Variants in HDGFL3 observed in about 807,000 individuals in gnomAD.
HDGFL3 encodes the protein HDGF like 3, also known as hepatoma-derived growth factor-related protein 3.
Under a neutral mutation model 27.6 loss-of-function variants are expected in HDGFL3, and 6 were observed. The observed-to-expected ratio is 0.22, with a 90% CI of 0.12 to 0.43. The LOEUF (loss-of-function observed/expected upper bound fraction) is 0.43, where lower values mean the gene tolerates loss of function less well. Among genes scored for constraint, HDGFL3 ranks in the 20% least tolerant of loss-of-function variants. The pLI is 1.00. For synonymous variants in HDGFL3, 88 were observed against 88.9 expected (o/e 0.99, Z 0.05); for missense variants, 207 against 250.1 (o/e 0.83, Z 1.16).
intron 1 of HDGFL3, among the ~76,000 whole-genome samples, chr15:83,180,643 ATTTTTTT>A (rs34952033): frequency 7.9e-6 from 1 of 126,374 alleles, no homozygotes; most frequent in Non-Finnish European, 1.6e-5. Context: ...TAACTTATCA[ATTTTTTT>A]TTTTTTTTTT....
chr15:83,199,445 C>T (rs2037611891), intron 1 of HDGFL3, among the ~76,000 whole-genome samples: 1 of 152,154 alleles, frequency 6.6e-6, no homozygotes, highest in Admixed American at 6.5e-5. Flanking sequence ...ACTACTGAAA[C>T]TATCACTTAA....
intron 1 of HDGFL3, among the ~76,000 whole-genome samples, chr15:83,182,574 T>TA (rs2037394017): frequency 6.6e-6 from 1 of 152,188 alleles, no homozygotes; most frequent in African/African-American, 2.4e-5. Flanking sequence ...TGATTCCACT[T>TA]ATATTAAGTT....
intron 4 of HDGFL3, among the ~76,000 whole-genome samples, chr15:83,156,955 C>A (rs1241909474): frequency 6.6e-6 from 1 of 152,110 alleles, no homozygotes; most frequent in Non-Finnish European, 1.5e-5. Context: ...CCTCAGCCTC[C>A]CAAACTGCTG....
At chr15:83,190,911 A>AT (rs2037503729) in intron 1 of HDGFL3, among the ~76,000 whole-genome samples, 1 of 152,160 alleles carries the variant, frequency 6.6e-6, no homozygotes, top group South Asian at 2.1e-4. Context: ...TGTAGAAACG[A>AT]TTTTTGTACA....
chr15:83,197,109 A>G (rs1408015073), intron 1 of HDGFL3, among the ~76,000 whole-genome samples: 1 of 152,226 alleles, frequency 6.6e-6, no homozygotes, highest in East Asian at 1.9e-4. Flanking sequence ...CAAAACGAAG[A>G]ATGGAGACCA....
At position 83,133,662 on chromosome 15, in the gene HDGFL3, G is replaced by A. The variant is rs1190947687; in HGVS notation, c.*5608C>T. The A allele has an allele frequency of 6.6e-6, 1 of 152,210 alleles. No homozygotes were observed. The highest frequency in any genetic ancestry group is 2.4e-5 in the African/African-American group (1 of 41,454). The allele number at this position is 152,210 out of a possible 1,614,324, so 9.4% of individuals were successfully genotyped here. A position where few individuals can be genotyped will look rare whatever the true frequency, so the allele number is the denominator to read the frequency against. On this transcript the variant is annotated 3_prime_UTR_variant, in exon 6 of 6. Coordinates refer to ENST00000299633, the MANE Select transcript of HDGFL3 (RefSeq NM_016073.4). ...TTAATTCAGCAGCATTGAGTTCACTGAGCCACCTGACCCCAGCACAGGCTC... is the reference window on the plus strand; with the variant it reads ...TTAATTCAGCAGCATTGAGTTCACTAAGCCACCTGACCCCAGCACAGGCTC...
intron 4 of HDGFL3, among the ~76,000 whole-genome samples, chr15:83,154,229 G>C (rs1056271888): frequency 6.6e-6 from 1 of 151,966 alleles, no homozygotes; most frequent in Non-Finnish European, 1.5e-5. Flanking sequence ...CCAGCTACTG[G>C]GGAGGCTGAG....
chr15:83,136,045 A>T lies in HDGFL3; in HGVS notation c.*3225T>A, dbSNP rs1274569148. 1 of 153,582 alleles carries T rather than the reference A, an allele frequency of 6.5e-6. No homozygotes were observed. Among genetic ancestry groups the T allele is most frequent in the Non-Finnish European group, 1.4e-5 (1 of 69,038 alleles). 9.5% of individuals were successfully genotyped at this position (153,582 alleles called of 1,614,324 possible). A position where few individuals can be genotyped will look rare whatever the true frequency, so the allele number is the denominator to read the frequency against. On this transcript the variant is annotated 3_prime_UTR_variant, in exon 6 of 6. Transcript: ENST00000299633. ...TTTATGCTAAAAATATTTGTTTTTT[A>T]AAACTCTGCGCTTTCTTCATTTTTA...
At chr15:83,152,298 G>C (rs1455013554) in intron 4 of HDGFL3, among the ~76,000 whole-genome samples, 2 of 152,182 alleles carry the variant, frequency 1.3e-5, no homozygotes, top group Non-Finnish European at 2.9e-5. Flanking sequence ...GCTCACGCCT[G>C]TAATCCCAGC....
intron 1 of HDGFL3, among the ~76,000 whole-genome samples, chr15:83,200,223 G>A (rs1285147583): frequency 6.6e-6 from 1 of 151,496 alleles, no homozygotes; most frequent in Admixed American, 6.6e-5. Flanking sequence ...GTGGGCACCT[G>A]TAGTCCTAGC....
chr15:83,140,486 T>TTG (rs2036747097), intron 5 of HDGFL3, among the ~76,000 whole-genome samples: 1 of 149,158 alleles, frequency 6.7e-6, no homozygotes, highest in Non-Finnish European at 1.5e-5. Context: ...AGAAAGTTTT[T>TTG]TTTTTTTTTT....
At chr15:83,146,036 G>A (rs898923661) in intron 5 of HDGFL3, among the ~76,000 whole-genome samples, 11 of 146,928 alleles carry the variant, frequency 7.5e-5, no homozygotes, top group South Asian at 2.3e-4. Flanking sequence ...TCAGCCTCCC[G>A]AGTACCTGTG....
At chr15:83,183,084 C>T (rs1328591318) in intron 1 of HDGFL3, among the ~76,000 whole-genome samples, 1 of 152,130 alleles carries the variant, frequency 6.6e-6, no homozygotes, top group East Asian at 1.9e-4. Flanking sequence ...ATCCTTTTCT[C>T]TTAAAATGTA....
At chr15:83,167,531 G>C (rs1049353493) in intron 1 of HDGFL3, among the ~76,000 whole-genome samples, 19 of 151,046 alleles carry the variant, frequency 1.3e-4, no homozygotes, top group Non-Finnish European at 2.2e-4. Context: ...GCACCTCCAG[G>C]CCTGGGTGGC....
rs1448328671 is a variant in HDGFL3, at chr15:83,130,247, T to C, written c.*9023A>G. 3 of 152,192 alleles carry C rather than the reference T, an allele frequency of 2.0e-5. No homozygotes were observed. Among genetic ancestry groups the C allele is most frequent in the Admixed American group, 2.0e-4 (3 of 15,284 alleles). The allele number at this position is 152,192 out of a possible 1,614,324, so 9.4% of individuals were successfully genotyped here. On this transcript the variant is annotated 3_prime_UTR_variant, in exon 6 of 6. Coordinates refer to ENST00000299633, the MANE Select transcript of HDGFL3 (RefSeq NM_016073.4). Reference sequence around the variant, plus strand: ...TCAGGAAGCTTAGGAAGGTCATAGCTTAGAGGAAAATGGGTGTGGTAAGCC... The same window carrying C: ...TCAGGAAGCTTAGGAAGGTCATAGCCTAGAGGAAAATGGGTGTGGTAAGCC...
chr15:83,124,223 A>C (rs1196092541), downstream of HDGFL3, among the ~76,000 whole-genome samples: 1 of 152,214 alleles, frequency 6.6e-6, no homozygotes, highest in Non-Finnish European at 1.5e-5. Context: ...GTTTATATAC[A>C]GGAATAATTT....
chr15:83,125,996 A>C (rs2035716845), downstream of HDGFL3, among the ~76,000 whole-genome samples: 1 of 152,224 alleles, frequency 6.6e-6, no homozygotes, highest in Non-Finnish European at 1.5e-5. Flanking sequence ...TAATTCTTAA[A>C]GTTCAAACAA....
intron 1 of HDGFL3, among the ~76,000 whole-genome samples, chr15:83,179,488 T>C (rs753812185): frequency 1.3e-5 from 2 of 152,192 alleles, no homozygotes; most frequent in Non-Finnish European, 2.9e-5. Flanking sequence ...GTTTTGTTCA[T>C]TGTAGGAGTC....
At chr15:83,189,995 C>T (rs564765875) in intron 1 of HDGFL3, among the ~76,000 whole-genome samples, 1 of 152,104 alleles carries the variant, frequency 6.6e-6, no homozygotes, top group Non-Finnish European at 1.5e-5. Context: ...TGCTTGAGCC[C>T]AGGAGCTCAA....
Sources: gnomAD v4.1 joint callset for allele counts (sites outside exome capture counted in the v4.1 genomes callset) on GRCh38, gnomAD v4.1.1 for gene constraint, MANE v1.5 for transcripts, NCBI Gene and HGNC (gene_info 2026-07-23, HGNC 2026-07-21) for gene names.